The following POU6F2 variants were observed in gnomAD, a reference collection of about 807,000 sequenced individuals.
The protein encoded by POU6F2 is POU domain, class 6, transcription factor 2.
Under a neutral mutation model 71.3 loss-of-function variants are expected in POU6F2, and 31 were observed. The observed-to-expected ratio is 0.43, with a 90% CI of 0.33 to 0.59. POU6F2 has a LOEUF of 0.59. POU6F2 is among the 20% of genes least tolerant of loss of function. The pLI is 0.04. For missense variants in POU6F2, 783 were observed against 856.8 expected (o/e 0.91, Z 1.07); for synonymous variants, 347 against 355.7 (o/e 0.98, Z 0.27).
At chr7:39,034,379 A>G (rs953674035) in intron 1 of POU6F2, 6 of 297,986 alleles carry the variant, frequency 2.0e-5, no homozygotes, top group African/African-American at 1.1e-4. Context: ...ATGCAAGAGT[A>G]GGAGAGAGGG....
chr7:39,130,282 A>C (rs1261232868), intron 2 of POU6F2, among the ~76,000 whole-genome samples: 5 of 152,102 alleles, frequency 3.3e-5, no homozygotes, highest in Admixed American at 2.6e-4. Flanking sequence ...AAATTCATAT[A>C]ATTACTCACC....
chr7:39,373,889 T>C (rs1197338432), intron 5 of POU6F2, among the ~76,000 whole-genome samples: 3 of 152,228 alleles, frequency 2.0e-5, no homozygotes, highest in East Asian at 1.9e-4. Context: ...AAGTTTTTTT[T>C]CAAAGAAATA....
chr7:39,370,247 C>T (rs1031761301), intron 5 of POU6F2, among the ~76,000 whole-genome samples: 4 of 152,156 alleles, frequency 2.6e-5, no homozygotes, highest in African/African-American at 9.7e-5. Flanking sequence ...AGTGCAACTT[C>T]CTGATGACTT....
chr7:39,059,718 A>G (rs1458019021), intron 1 of POU6F2, among the ~76,000 whole-genome samples: 1 of 152,192 alleles, frequency 6.6e-6, no homozygotes, highest in Non-Finnish European at 1.5e-5. Context: ...TTGTATAAAA[A>G]CTTGTATATA....
chr7:39,234,372 G>A (rs753771427), intron 4 of POU6F2, among the ~76,000 whole-genome samples: 3 of 152,074 alleles, frequency 2.0e-5, no homozygotes, highest in Non-Finnish European at 2.9e-5. Flanking sequence ...CAGAGAACAC[G>A]GTAGACATGG....
intron 1 of POU6F2, among the ~76,000 whole-genome samples, chr7:39,082,561 C>A (rs1015185475): frequency 1.3e-5 from 2 of 152,090 alleles, no homozygotes; most frequent in Non-Finnish European, 2.9e-5. Flanking sequence ...TTGGAAAATC[C>A]TCTCTTCACT....
chr7:39,351,890 C>T (rs1222439262), intron 5 of POU6F2, among the ~76,000 whole-genome samples: 1 of 152,162 alleles, frequency 6.6e-6, no homozygotes, highest in African/African-American at 2.4e-5. Flanking sequence ...GCAAATCTGC[C>T]TCTTGTTAGT....
chr7:39,251,223 G>A (rs142292544), intron 4 of POU6F2, among the ~76,000 whole-genome samples: 154 of 152,256 alleles, frequency 1.0e-3, no homozygotes, highest in African/African-American at 3.4e-3. Flanking sequence ...CTCCAGAAGA[G>A]GCTGCCTGCT....
chr7:39,224,116 G>T (rs1794418030), intron 4 of POU6F2, among the ~76,000 whole-genome samples: 1 of 152,108 alleles, frequency 6.6e-6, no homozygotes, highest in Non-Finnish European at 1.5e-5. Context: ...GCAGGATAAG[G>T]TAGCCAGGTC....
chr7:39,201,590 G>A (rs1052015270), intron 2 of POU6F2, among the ~76,000 whole-genome samples: 1 of 152,140 alleles, frequency 6.6e-6, no homozygotes, highest in Non-Finnish European at 1.5e-5. Flanking sequence ...CAAAAGCATA[G>A]GCTGCTAACT....
intron 2 of POU6F2, among the ~76,000 whole-genome samples, chr7:39,158,308 C>T (rs116666050): frequency 0.013 from 2,001 of 152,234 alleles, 20 homozygotes; most frequent in African/African-American, 0.028. Flanking sequence ...AGTGTTGAAT[C>T]GCAGTCCTCA....
chr7:39,084,523 G>A (rs1791194378), intron 1 of POU6F2, among the ~76,000 whole-genome samples: 2 of 152,138 alleles, frequency 1.3e-5, no homozygotes, highest in African/African-American at 4.8e-5. Flanking sequence ...AAGAAGAAGT[G>A]CATTGATGCA....
At chr7:39,021,803 T>A (rs1259732408) in intron 1 of POU6F2, among the ~76,000 whole-genome samples, 1 of 152,080 alleles carries the variant, frequency 6.6e-6, no homozygotes, top group African/African-American at 2.4e-5. Flanking sequence ...GGGAATTAGT[T>A]CATCTTGCTT....
chr7:39,338,116 C>T (rs1021670764), intron 4 of POU6F2, among the ~76,000 whole-genome samples: 5 of 152,288 alleles, frequency 3.3e-5, no homozygotes, highest in African/African-American at 9.6e-5. Flanking sequence ...AGGTTAGGTT[C>T]GATTTGAATC....
chr7:39,056,766 T>C (rs1347185422), intron 1 of POU6F2, among the ~76,000 whole-genome samples: 2 of 151,692 alleles, frequency 1.3e-5, no homozygotes, highest in East Asian at 1.9e-4. Flanking sequence ...TTTTTAATAA[T>C]AGAATTGTGC....
chr7:39,442,127 GA>G (rs1336115434), intron 7 of POU6F2, among the ~76,000 whole-genome samples: 2 of 151,976 alleles, frequency 1.3e-5, no homozygotes, highest in African/African-American at 2.4e-5. Flanking sequence ...CTTGTTCAAT[GA>G]GTACAAAAAA....
rs949061169 is a variant in POU6F2 at position 39,464,833 on chromosome 7, CTA to C, written c.*148_*149del. ...CCTTGTAAGTAAATGACTAAGAAAA[CTA>C]CCAAGTGGACAGAATGGTTTCTACA... On this transcript the variant is annotated 3_prime_UTR_variant, in exon 10 of 10. Coordinates refer to ENST00000518318, the MANE Select transcript of POU6F2 (RefSeq NM_001370959.1). The surrounding 1 kb of genome is among the most constrained non-coding windows in gnomAD (Gnocchi z 4.1). The C allele has an allele frequency of 2.1e-5, 22 of 1,029,862 alleles. No individual in the cohort carries two copies. The African/African-American group carries it at 3.1e-4, about 14-fold the overall frequency. The allele number at this position is 1,029,862 out of a possible 1,614,324, so 63.8% of individuals were successfully genotyped here.
At chr7:39,129,791 C>T (rs1217621785) in intron 2 of POU6F2, among the ~76,000 whole-genome samples, 2 of 152,064 alleles carry the variant, frequency 1.3e-5, no homozygotes, top group African/African-American at 4.8e-5. Context: ...CGGCCGGGCG[C>T]TGTGGCTCAC....
At chr7:39,440,804 T>A (rs565214680) in intron 7 of POU6F2, among the ~76,000 whole-genome samples, 1 of 152,226 alleles carries the variant, frequency 6.6e-6, no homozygotes, top group Non-Finnish European at 1.5e-5. Flanking sequence ...TGATTCTTTC[T>A]CATCTTTGTG....
Sources: gnomAD v4.1 joint callset for allele counts (sites outside exome capture counted in the v4.1 genomes callset) on GRCh38, gnomAD v4.1.1 for gene constraint, Gnocchi (gnomAD v3.1) non-coding constraint, MANE v1.5 for transcripts, NCBI Gene and HGNC (gene_info 2026-07-23, HGNC 2026-07-21) for gene names.